The following IFNA10 variants were observed in gnomAD, a reference collection of about 807,000 sequenced individuals.
IFNA10 encodes interferon alpha-10.
For synonymous variants in IFNA10, 96 were observed against 83.7 expected (o/e 1.15, Z -0.80); for missense variants, 246 against 213.0 (o/e 1.15, Z -0.96).
rs762249251 is a variant in IFNA10, at chr9:21,206,571, G to A, written c.527C>T (p.Ser176Leu). 28 of 1,613,808 alleles carry A rather than the reference G, an allele frequency of 1.7e-5. No individual in the cohort carries two copies. Among genetic ancestry groups the A allele is most frequent in the East Asian group, 1.1e-4 (5 of 44,868 alleles). Residue 176 changes from serine to leucine, a missense_variant, in exon 1 of 1, where the codon TCG becomes TTG. Transcript: ENST00000357374. ...VVRAEIMRSL[S>L]FSTNLQKRLR... ...TCTTTTTTGCAAGTTTGTTGAAAACGAGAGGGATCTCATGATTTCTGCTCT... is the reference window on the plus strand; with the variant it reads ...TCTTTTTTGCAAGTTTGTTGAAAACAAGAGGGATCTCATGATTTCTGCTCT...
In IFNA10 at chr9:21,206,788, G is replaced by A. The variant is rs1372700631; in HGVS notation, c.310C>T (p.Leu104Phe). Residue 104 changes from leucine to phenylalanine, a missense_variant, in exon 1 of 1, where the codon CTC becomes TTC. Physicochemically the swap from Leu to Phe is conservative, Grantham distance 22. Coordinates refer to ENST00000357374, the MANE Select transcript of IFNA10 (RefSeq NM_002171.2). ...EDSSAAWEQS[L>F]LEKFSTELYQ... is the part of the protein sequence containing the mutation. The stretch of plus-strand genomic sequence containing the variant: ...AGTTCAGTGGAAAATTTTTCTAGGA[G>A]GCTCTGTTCCCAAGCAGCAGATGAG... 2 of 1,612,818 alleles carry A rather than the reference G, an allele frequency of 1.2e-6. No individual in the cohort carries two copies. The highest frequency in any genetic ancestry group is 8.5e-7 in the Non-Finnish European group (1 of 1,179,436).
chr9:21,207,061 C>A lies in IFNA10; in HGVS notation c.37G>T (p.Val13Leu), dbSNP rs1208437040. The change falls in exon 1 of 1, where the codon GTG becomes TTG. Residue 13 changes from valine (V) to leucine (L), a missense_variant. Coordinates refer to ENST00000357374, the MANE Select transcript of IFNA10 (RefSeq NM_002171.2). ...LSFSLLMAVL[V>L]LSYKSICSLG... ...GAACAGATGGATTTGTAGCTGAGCA[C>A]CAGCACGGCCATAAGTAAAGAAAAG... 1 of 1,611,042 alleles carries A rather than the reference C, an allele frequency of 6.2e-7. No homozygotes were observed. Among genetic ancestry groups the A allele is most frequent in the Non-Finnish European group, 8.5e-7 (1 of 1,178,968 alleles).
rs1238121993 is a variant in IFNA10, at chr9:21,206,957, G to A, written c.141C>T (p.Ile47=). The change falls in exon 1 of 1, where the codon ATC becomes ATT. Residue 47 remains isoleucine, a synonymous_variant. Coordinates refer to ENST00000357374, the MANE Select transcript of IFNA10 (RefSeq NM_002171.2). The part of the protein sequence containing the change: ...ALILLGQMGR[I]SPFSCLKDRH... ...TGTCCTTCAGGCAGGAGAAAGGAGA[G>A]ATTCTTCCCATTTGTCCCAGGAGTA... 1.1e-5 allele frequency: 17 copies of A among 1,613,790 alleles called. No individual in the cohort carries two copies. The East Asian group carries it at 3.3e-4, about 32-fold the overall frequency.
Position 21,206,329 on chromosome 9 carries a change from A to T in IFNA10, c.*199T>A. On this transcript the variant is annotated 3_prime_UTR_variant, in exon 1 of 1. Coordinates refer to ENST00000357374, the MANE Select transcript of IFNA10 (RefSeq NM_002171.2). ...ATAAATATTTAAACAAAAGATGAAC[A>T]GAGACATCAGAATGGTCATCTGTAA... The T allele has an allele frequency of 1.7e-6, 1 of 587,548 alleles. No homozygotes were observed. Among genetic ancestry groups the T allele is most frequent in the Non-Finnish European group, 2.7e-6 (1 of 367,808 alleles). The allele number at this position is 587,548 out of a possible 1,614,324, so 36.4% of individuals were successfully genotyped here. A position where few individuals can be genotyped will look rare whatever the true frequency, so the allele number is the denominator to read the frequency against.
In IFNA10 at chr9:21,206,466, A is replaced by G; in HGVS notation, c.*62T>C. On this transcript the variant is annotated 3_prime_UTR_variant, in exon 1 of 1. Transcript: ENST00000357374. Reference sequence around the variant, plus strand: ...AGAAGTGAGTCTTTGAAATGGAAGAACTCATGAAAGTGTGAGATAATGTAT... The same window carrying G: ...AGAAGTGAGTCTTTGAAATGGAAGAGCTCATGAAAGTGTGAGATAATGTAT... 3 of 1,589,250 alleles carry G rather than the reference A, an allele frequency of 1.9e-6. No individual in the cohort carries two copies. Among genetic ancestry groups the G allele is most frequent in the Non-Finnish European group, 2.6e-6 (3 of 1,173,322 alleles).
chr9:21,206,894 G>A lies in IFNA10; in HGVS notation c.204C>T (p.Gly68=). ...DFRIPQEEFD[G]NQFQKAQAIS... ...TGGCTTGAGCCTTCTGGAACTGGTT[G>A]CCATCAAACTCCTCCTGGGGGATTC... Residue 68 remains glycine, a synonymous_variant, in exon 1 of 1, where the codon GGC becomes GGT. Coordinates refer to ENST00000357374, the MANE Select transcript of IFNA10 (RefSeq NM_002171.2). 6.2e-7 allele frequency: 1 copy of A among 1,613,822 alleles called. No homozygotes were observed. Among genetic ancestry groups the A allele is most frequent in the Non-Finnish European group, 8.5e-7 (1 of 1,179,950 alleles).
chr9:21,207,042 A>C lies in IFNA10; in HGVS notation c.56T>G (p.Ile19Ser), dbSNP rs150846708. The change falls in exon 1 of 1, where the codon ATC becomes AGC. Residue 19 changes from isoleucine to serine, a missense_variant. By Grantham distance (142) the Ile-to-Ser change is moderately radical. Transcript: ENST00000357374. ...AGGCAGATCACAGCCTAGAGAACAG[A>C]TGGATTTGTAGCTGAGCACCAGCAC... ...MAVLVLSYKS[I>S]CSLGCDLPQT... The C allele has an allele frequency of 6.2e-7, 1 of 1,611,624 alleles. No individual in the cohort carries two copies. Among genetic ancestry groups the C allele is most frequent in the Non-Finnish European group, 8.5e-7 (1 of 1,179,310 alleles).
rs1396364911 is a variant in IFNA10 at position 21,206,358 on chromosome 9, A to T, written c.*170T>A. ...ACATCAGAATGGTCATCTGTAAAGGACTAGTGCCTGCACAGGTATACACGA... is the reference window on the plus strand; with the variant it reads ...ACATCAGAATGGTCATCTGTAAAGGTCTAGTGCCTGCACAGGTATACACGA... On this transcript the variant is annotated 3_prime_UTR_variant, in exon 1 of 1. Coordinates refer to ENST00000357374, the MANE Select transcript of IFNA10 (RefSeq NM_002171.2). 2.1e-6 allele frequency: 2 copies of T among 970,824 alleles called. No individual in the cohort carries two copies. The highest frequency in any genetic ancestry group is 3.0e-6 in the Non-Finnish European group (2 of 656,306). 60.1% of individuals were successfully genotyped at this position (970,824 alleles called of 1,614,324 possible).
Position 21,206,918 on chromosome 9 carries a change from T to C in IFNA10, c.180A>G (p.Arg60=), listed in dbSNP as rs764818167. ...FSCLKDRHDF[R]IPQEEFDGNQ... is the part of the protein sequence containing the mutation. Reference sequence around the variant, plus strand: ...TGCCATCAAACTCCTCCTGGGGGATTCGGAAATCATGTCTGTCCTTCAGGC... The same window carrying C: ...TGCCATCAAACTCCTCCTGGGGGATCCGGAAATCATGTCTGTCCTTCAGGC... Residue 60 remains arginine (R), a synonymous_variant, in exon 1 of 1, where the codon CGA becomes CGG. Coordinates refer to ENST00000357374, the MANE Select transcript of IFNA10 (RefSeq NM_002171.2). 6.2e-7 allele frequency: 1 copy of C among 1,613,828 alleles called. No individual in the cohort carries two copies. The highest frequency in any genetic ancestry group is 8.5e-7 in the Non-Finnish European group (1 of 1,179,978).
chr9:21,206,505 T>A lies in IFNA10; in HGVS notation c.*23A>T. On this transcript the variant is annotated 3_prime_UTR_variant, in exon 1 of 1. Coordinates refer to ENST00000357374, the MANE Select transcript of IFNA10 (RefSeq NM_002171.2). ...GAGATAATGTATTAGTCAATCAGGA[T>A]CATTGCCATGTTGAACCAGTTTTCA... 1 of 1,612,308 alleles carries A rather than the reference T, an allele frequency of 6.2e-7. No homozygotes were observed. The highest frequency in any genetic ancestry group is 8.5e-7 in the Non-Finnish European group (1 of 1,179,674).
At position 21,206,412 on chromosome 9, in the gene IFNA10, A is replaced by G. The variant is rs1818269615; in HGVS notation, c.*116T>C. On this transcript the variant is annotated 3_prime_UTR_variant, in exon 1 of 1. Coordinates refer to ENST00000357374, the MANE Select transcript of IFNA10 (RefSeq NM_002171.2). ...TTCTTTACACTGCTGAAAACATTTG[A>G]AAATTTTGATTCAACGCGTCGTGGT... 1.1e-5 allele frequency: 17 copies of G among 1,536,792 alleles called. No homozygotes were observed. The highest frequency in any genetic ancestry group is 1.5e-5 in the Non-Finnish European group (17 of 1,140,570).
chr9:21,206,481 A>C lies in IFNA10; in HGVS notation c.*47T>G. 3 of 1,599,446 alleles carry C rather than the reference A, an allele frequency of 1.9e-6. No homozygotes were observed. Among genetic ancestry groups the C allele is most frequent in the Non-Finnish European group, 2.5e-6 (3 of 1,176,536 alleles). On this transcript the variant is annotated 3_prime_UTR_variant, in exon 1 of 1. Transcript: ENST00000357374. Reference sequence around the variant, plus strand: ...AAATGGAAGAACTCATGAAAGTGTGAGATAATGTATTAGTCAATCAGGATC... The same window carrying C: ...AAATGGAAGAACTCATGAAAGTGTGCGATAATGTATTAGTCAATCAGGATC...
chr9:21,206,998 T>TG, the IFNA10 span: 1 of 1,613,608 alleles, frequency 6.2e-7, no homozygotes, highest in Non-Finnish European at 8.5e-7. Context: ...GCCCTCCTAT[T>TG]ACCCAGGCTG....
chr9:21,206,323 A>T lies in IFNA10; in HGVS notation c.*205T>A, dbSNP rs532359969. 879 of 551,454 alleles carry T rather than the reference A, an allele frequency of 1.6e-3. 2 individuals are homozygous for T. The highest frequency in any genetic ancestry group is 1.5e-3 in the Non-Finnish European group (503 of 341,780). The allele number at this position is 551,454 out of a possible 1,614,324, so 34.2% of individuals were successfully genotyped here. A position where few individuals can be genotyped will look rare whatever the true frequency, so the allele number is the denominator to read the frequency against. ...AATTAAATAAATATTTAAACAAAAG[A>T]TGAACAGAGACATCAGAATGGTCAT... On this transcript the variant is annotated 3_prime_UTR_variant, in exon 1 of 1. Transcript: ENST00000357374.
chr9:21,207,028 A>C lies in IFNA10; in HGVS notation c.70T>G (p.Cys24Gly). The C allele has an allele frequency of 1.2e-6, 2 of 1,612,300 alleles. No individual in the cohort carries two copies. Among genetic ancestry groups the C allele is most frequent in the Non-Finnish European group, 8.5e-7 (1 of 1,179,308 alleles). ...AGGCTGTGGGTCTGAGGCAGATCAC[A>C]GCCTAGAGAACAGATGGATTTGTAG... ...LSYKSICSLG[C>G]DLPQTHSLGN... Residue 24 changes from cysteine (C) to glycine (G), a missense_variant, in exon 1 of 1, where the codon TGT becomes GGT. Physicochemically the swap from Cys to Gly is radical, Grantham distance 159. Coordinates refer to ENST00000357374, the MANE Select transcript of IFNA10 (RefSeq NM_002171.2).
Position 21,206,900 on chromosome 9 carries a change from A to G in IFNA10, c.198T>C (p.Phe66=), listed in dbSNP as rs1375532116. The G allele has an allele frequency of 1.9e-6, 3 of 1,613,734 alleles. No individual in the cohort carries two copies. Residue 66 remains phenylalanine (F), a synonymous_variant, in exon 1 of 1, where the codon TTT becomes TTC. Coordinates refer to ENST00000357374, the MANE Select transcript of IFNA10 (RefSeq NM_002171.2). ...GAGCCTTCTGGAACTGGTTGCCATCAAACTCCTCCTGGGGGATTCGGAAAT... is the reference window on the plus strand; with the variant it reads ...GAGCCTTCTGGAACTGGTTGCCATCGAACTCCTCCTGGGGGATTCGGAAAT... The part of the protein sequence containing the change: ...RHDFRIPQEE[F]DGNQFQKAQA...
At position 21,207,011 on chromosome 9, in the gene IFNA10, G is replaced by A. The variant is rs1478151675; in HGVS notation, c.87C>T (p.Thr29=). 5 of 1,612,854 alleles carry A rather than the reference G, an allele frequency of 3.1e-6. No homozygotes were observed. Among genetic ancestry groups the A allele is most frequent in the African/African-American group, 1.3e-5 (1 of 74,534 alleles). The stretch of plus-strand genomic sequence containing the variant: ...AGGCCCTCCTATTACCCAGGCTGTG[G>A]GTCTGAGGCAGATCACAGCCTAGAG... ...ICSLGCDLPQ[T]HSLGNRRALI... Residue 29 remains threonine (T), a synonymous_variant, in exon 1 of 1, where the codon ACC becomes ACT. Coordinates refer to ENST00000357374, the MANE Select transcript of IFNA10 (RefSeq NM_002171.2).
Position 21,206,917 on chromosome 9 carries a change from T to A in IFNA10, c.181A>T (p.Ile61Phe), listed in dbSNP as rs28368145. Residue 61 changes from isoleucine to phenylalanine, a missense_variant, in exon 1 of 1, where the codon ATC (isoleucine) becomes TTC (phenylalanine). Physicochemically the swap from Ile to Phe is conservative, Grantham distance 21. Transcript: ENST00000357374. ...SCLKDRHDFRIPQEEFDGNQF... is the reference protein window; with the variant it reads ...SCLKDRHDFRFPQEEFDGNQF... ...TTGCCATCAAACTCCTCCTGGGGGA[T>A]TCGGAAATCATGTCTGTCCTTCAGG... 0.044 allele frequency: 71,089 copies of A among 1,611,034 alleles called. 2,073 individuals are homozygous for A. Among genetic ancestry groups the A allele is most frequent in the African/African-American group, 0.1 (7,553 of 74,340 alleles).
rs754316730 is a variant in IFNA10, at chr9:21,206,932, T to G, written c.166A>C (p.Arg56=). Reference sequence around the variant, plus strand: ...TCCTGGGGGATTCGGAAATCATGTCTGTCCTTCAGGCAGGAGAAAGGAGAG... The same window carrying G: ...TCCTGGGGGATTCGGAAATCATGTCGGTCCTTCAGGCAGGAGAAAGGAGAG... ...RISPFSCLKD[R]HDFRIPQEEF... is the part of the protein sequence containing the mutation. The change falls in exon 1 of 1, where the codon AGA becomes CGA. Residue 56 remains arginine (R), a synonymous_variant. Transcript: ENST00000357374. The G allele has an allele frequency of 8.1e-6, 13 of 1,613,794 alleles. No homozygotes were observed. The Admixed American group carries it at 2.2e-4, about 27-fold the overall frequency.
Sources: allele counts gnomAD v4.1 joint callset, GRCh38; gene constraint gnomAD v4.1.1; transcripts MANE v1.5; gene names NCBI Gene and HGNC (gene_info 2026-07-23, HGNC 2026-07-21).